TACR3: variants seen among roughly 807,000 people sequenced by gnomAD.
The protein encoded by TACR3 is tachykinin receptor 3.
Under a neutral mutation model 35.0 loss-of-function variants are expected in TACR3, and 34 were observed. The ratio of observed to expected loss-of-function variants is 0.97; its 90% confidence interval spans 0.74 to 1.30. The LOEUF is 1.30. TACR3 is among the 50% of genes most tolerant of loss of function. TACR3 has a pLI of 0.00. For synonymous variants in TACR3, 233 were observed against 221.1 expected, an observed-to-expected ratio of 1.05 and a Z score of -0.48; for missense variants, 558 against 591.7, an observed-to-expected ratio of 0.94 and a Z score of 0.59.
intron 3 of TACR3, among the ~76,000 whole-genome samples, chr4:103,603,635 G>A (rs193129905): frequency 1.9e-3 from 290 of 152,252 alleles, no homozygotes; most frequent in East Asian, 6.9e-3. Flanking sequence ...ATAAACATAC[G>A]TGTGCATGTG....
At chr4:103,684,453 C>A (rs567038877) in intron 1 of TACR3, among the ~76,000 whole-genome samples, 1 of 152,030 alleles carries the variant, frequency 6.6e-6, no homozygotes, top group South Asian at 2.1e-4. Context: ...TAAAAAGCTA[C>A]CACTAATACT....
chr4:103,617,906 T>C (rs938041241), intron 3 of TACR3, among the ~76,000 whole-genome samples: 38 of 152,128 alleles, frequency 2.5e-4, no homozygotes, highest in Non-Finnish European at 5.3e-4. Flanking sequence ...ATCAGGCACC[T>C]GGGGGAAGGT....
chr4:103,626,030 C>A (rs1724884510), intron 3 of TACR3, among the ~76,000 whole-genome samples: 1 of 152,192 alleles, frequency 6.6e-6, no homozygotes, highest in Admixed American at 6.5e-5. Context: ...ACATTTTGAT[C>A]TTGGACTTCT....
chr4:103,632,523 C>G (rs992038039), intron 3 of TACR3, among the ~76,000 whole-genome samples: 1 of 150,656 alleles, frequency 6.6e-6, no homozygotes, highest in Non-Finnish European at 1.5e-5. Context: ...GAACAACATA[C>G]AGCAGGGTCT....
chr4:103,591,618 G>A lies in TACR3; in HGVS notation c.954C>T (p.Tyr318=), dbSNP rs765648107. The change falls in exon 4 of 5, where the codon TAC becomes TAT. Residue 318 remains tyrosine, a synonymous_variant. Transcript: ENST00000304883. ...GTTGATAGATTGCAGTGAGAATGAAGTAAATATGATAGGGCAGCCAGCAGA... is the reference window on the plus strand; with the variant it reads ...GTTGATAGATTGCAGTGAGAATGAAATAAATATGATAGGGCAGCCAGCAGA... ...FAICWLPYHI[Y]FILTAIYQQL... 3 of 1,613,700 alleles carry A rather than the reference G, an allele frequency of 1.9e-6. No homozygotes were observed. The highest frequency in any genetic ancestry group is 3.3e-5 in the Admixed American group (2 of 59,954).
At chr4:103,695,522 A>G (rs1250055310) in intron 1 of TACR3, among the ~76,000 whole-genome samples, 1 of 152,218 alleles carries the variant, frequency 6.6e-6, no homozygotes, top group Non-Finnish European at 1.5e-5. Flanking sequence ...ATAAGAATAC[A>G]GTATATAATA....
chr4:103,696,367 A>G (rs548746126), intron 1 of TACR3, among the ~76,000 whole-genome samples: 3 of 152,152 alleles, frequency 2.0e-5, no homozygotes, highest in Admixed American at 6.5e-5. Context: ...AAAAACAGAA[A>G]AACATTTTTG....
chr4:103,589,829 A>C lies in TACR3; in HGVS notation c.1251T>G (p.Asp417Glu). Residue 417 changes from aspartate to glutamate, a missense_variant, in exon 5 of 5, where the codon GAT becomes GAG. Coordinates refer to ENST00000304883, the MANE Select transcript of TACR3 (RefSeq NM_001059.3). ...ESMTVVFDPNDADTTRSSRKK... is the reference protein window; with the variant it reads ...ESMTVVFDPNEADTTRSSRKK... ...TCCGACTGGACCTGGTGGTGTCTGC[A>C]TCGTTGGGGTCAAACACGACTGTCA... 1 of 1,613,852 alleles carries C rather than the reference A, an allele frequency of 6.2e-7. No homozygotes were observed. The highest frequency in any genetic ancestry group is 1.1e-5 in the South Asian group (1 of 91,070).
intron 3 of TACR3, among the ~76,000 whole-genome samples, chr4:103,642,921 A>G (rs1167541507): frequency 1.3e-5 from 2 of 151,932 alleles, no homozygotes; most frequent in East Asian, 3.9e-4. Flanking sequence ...AAAATATCAC[A>G]TGTACCCCCA....
chr4:103,595,353 G>A (rs1723982249), intron 3 of TACR3, among the ~76,000 whole-genome samples: 1 of 152,048 alleles, frequency 6.6e-6, no homozygotes. Context: ...CATTACCCTT[G>A]GAAACTTACA....
chr4:103,625,172 T>TA (rs957008737), intron 3 of TACR3, among the ~76,000 whole-genome samples: 2 of 152,078 alleles, frequency 1.3e-5, no homozygotes, highest in Non-Finnish European at 2.9e-5. Context: ...ATGAAAAAAT[T>TA]AAAAAAGTTA....
chr4:103,709,195 G>A (rs1026571731), intron 1 of TACR3, among the ~76,000 whole-genome samples: 13 of 151,994 alleles, frequency 8.6e-5, no homozygotes, highest in African/African-American at 2.2e-4. Flanking sequence ...ACTCCAAGAC[G>A]CATAATCGTC....
intron 3 of TACR3, among the ~76,000 whole-genome samples, chr4:103,641,142 C>T (rs530700946): frequency 5.3e-5 from 8 of 151,928 alleles, no homozygotes; most frequent in Admixed American, 2.6e-4. Flanking sequence ...TCCCTCAACA[C>T]GATTTATTGC....
chr4:103,618,674 A>G (rs1299993151), intron 3 of TACR3, among the ~76,000 whole-genome samples: 1 of 137,382 alleles, frequency 7.3e-6, no homozygotes, highest in Non-Finnish European at 1.5e-5. Context: ...GAATCTGTAA[A>G]TTGCTTTGGG....
At chr4:103,639,952 A>G (rs1423866089) in intron 3 of TACR3, among the ~76,000 whole-genome samples, 1 of 152,014 alleles carries the variant, frequency 6.6e-6, no homozygotes, top group Admixed American at 6.6e-5. Context: ...CATAAGCATT[A>G]TCTTTTAATT....
At chr4:103,623,831 G>A (rs1227787020) in intron 3 of TACR3, among the ~76,000 whole-genome samples, 1 of 152,110 alleles carries the variant, frequency 6.6e-6, no homozygotes, top group Non-Finnish European at 1.5e-5. Flanking sequence ...AGATGCTCCA[G>A]GAAATCTCAC....
chr4:103,703,350 T>C (rs922735025), intron 1 of TACR3, among the ~76,000 whole-genome samples: 4 of 152,190 alleles, frequency 2.6e-5, no homozygotes, highest in Non-Finnish European at 5.9e-5. Context: ...TTAATAATTA[T>C]TTGACATTAT....
chr4:103,672,980 C>G (rs1251496798), intron 1 of TACR3, among the ~76,000 whole-genome samples: 3 of 152,144 alleles, frequency 2.0e-5, no homozygotes, highest in Non-Finnish European at 2.9e-5. Context: ...TTCCTTATAC[C>G]TCAGGAACCA....
intron 3 of TACR3, among the ~76,000 whole-genome samples, chr4:103,613,459 A>G (rs1724557343): frequency 6.6e-6 from 1 of 151,616 alleles, no homozygotes; most frequent in Non-Finnish European, 1.5e-5. Flanking sequence ...AGCTGGGATT[A>G]CAGGTGTGCG....
Sources: gnomAD v4.1 joint callset for allele counts (sites outside exome capture counted in the v4.1 genomes callset) on GRCh38, gnomAD v4.1.1 for gene constraint, MANE v1.5 for transcripts, NCBI Gene and HGNC (gene_info 2026-07-23, HGNC 2026-07-21) for gene names.